STK32B: variants seen among roughly 807,000 people sequenced by gnomAD.
STK32B encodes serine/threonine-protein kinase 32B.
In STK32B, 43 loss-of-function variants were observed where a neutral mutation model predicts 52.6. That is an observed-to-expected ratio of 0.82 (90% CI 0.64 to 1.05). The LOEUF (loss-of-function observed/expected upper bound fraction) is 1.05. STK32B is among the 50% of genes least tolerant of loss of function. STK32B has a pLI of 0.00. For synonymous variants in STK32B, 238 were observed against 204.3 expected (o/e 1.17, Z -1.41); for missense variants, 621 against 534.6 (o/e 1.16, Z -1.59).
At chr4:5,259,966 G>A (rs1726590050) in intron 3 of STK32B, among the ~76,000 whole-genome samples, 1 of 151,970 alleles carries the variant, frequency 6.6e-6, no homozygotes, top group Admixed American at 6.6e-5. Flanking sequence ...CCACACTGAG[G>A]AGCATAAGTG....
chr4:5,149,715 TA>T (rs1475769856), intron 2 of STK32B, among the ~76,000 whole-genome samples: 1 of 151,774 alleles, frequency 6.6e-6, no homozygotes, highest in Non-Finnish European at 1.5e-5. Context: ...GTTTTTGCTT[TA>T]AAAATATATA....
chr4:5,409,041 AC>A (rs1198985700), intron 5 of STK32B, among the ~76,000 whole-genome samples: 4 of 152,258 alleles, frequency 2.6e-5, no homozygotes, highest in Admixed American at 2.6e-4. Context: ...TGTTTACACC[AC>A]GGATGGGATG....
chr4:5,230,178 C>CTTTTTTTTTTTTTTTTTTT (rs752036100), intron 3 of STK32B, among the ~76,000 whole-genome samples: 17 of 71,120 alleles, frequency 2.4e-4, no homozygotes, highest in East Asian at 3.7e-4. Flanking sequence ...CATGCATTCC[C>CTTTTTTTTTTTTTTTTTTT]TTTTTTTTTT....
chr4:5,184,721 C>G (rs74792021), intron 3 of STK32B, among the ~76,000 whole-genome samples: 1 of 142,486 alleles, frequency 7.0e-6, no homozygotes, highest in African/African-American at 2.6e-5. Flanking sequence ...AAAAAGAAAA[C>G]AAAGATCACT....
chr4:5,073,994 T>C (rs1711929657), intron 1 of STK32B, among the ~76,000 whole-genome samples: 1 of 152,034 alleles, frequency 6.6e-6, no homozygotes, highest in African/African-American at 2.4e-5. Flanking sequence ...TGTGGATTGA[T>C]ATTTTAAATC....
At chr4:5,176,293 GCTGCACCCACTGTT>G (rs1424568628) in intron 3 of STK32B, among the ~76,000 whole-genome samples, 5 of 152,120 alleles carry the variant, frequency 3.3e-5, no homozygotes, top group East Asian at 1.9e-4. Context: ...CGCATGGTGT[GCTGCACCCACTGTT>G]CTGCACCCAC....
At chr4:5,164,606 A>C (rs1423946935) in intron 2 of STK32B, among the ~76,000 whole-genome samples, 1 of 152,212 alleles carries the variant, frequency 6.6e-6, no homozygotes, top group Non-Finnish European at 1.5e-5. Context: ...CAGCATGGTC[A>C]GATTCTGGAG....
chr4:5,076,196 G>A (rs1712060734), intron 1 of STK32B, among the ~76,000 whole-genome samples: 2 of 152,180 alleles, frequency 1.3e-5, no homozygotes, highest in South Asian at 2.1e-4. Context: ...CTGTGCTGAC[G>A]AAGAGTCGAT....
At chr4:5,266,297 G>A (rs867824902) in intron 3 of STK32B, among the ~76,000 whole-genome samples, 22 of 152,132 alleles carry the variant, frequency 1.4e-4, no homozygotes, top group Admixed American at 2.6e-4. Flanking sequence ...TTAAGATAGC[G>A]CAGTTATAAA....
chr4:5,230,178 C>CTTTTTTTTTTTT lies in STK32B; in HGVS notation c.260+61748_260+61759dup, dbSNP rs752036100. The stretch of plus-strand genomic sequence containing the variant: ...AGAAGAACACTCAAGCATGCATTCC[C>CTTTTTTTTTTTT]TTTTTTTTTTTTTTTTTTTTTTTTT... On this transcript the variant is annotated intron_variant, in intron 3 of 11. Coordinates refer to ENST00000282908, the MANE Select transcript of STK32B (RefSeq NM_018401.3). Among the ~76,000 whole-genome samples, 132 of 71,116 alleles carry CTTTTTTTTTTTT rather than the reference C, an allele frequency of 1.9e-3. 8 individuals carry two copies. In the East Asian group the frequency reaches 0.019, roughly 10 times the overall value. 46.7% of individuals were successfully genotyped at this position (71,116 alleles called of 152,430 possible).
intron 3 of STK32B, among the ~76,000 whole-genome samples, chr4:5,197,450 T>A (rs1173632064): frequency 6.6e-6 from 1 of 152,248 alleles, no homozygotes; most frequent in Non-Finnish European, 1.5e-5. Flanking sequence ...GACCACCCAG[T>A]CCTTCAGTCT....
intron 4 of STK32B, among the ~76,000 whole-genome samples, chr4:5,377,152 C>T (rs527601458): frequency 4.6e-5 from 7 of 152,186 alleles, no homozygotes; most frequent in Non-Finnish European, 1.0e-4. Context: ...AGTCATTGGA[C>T]TTTTATATGG....
intron 3 of STK32B, among the ~76,000 whole-genome samples, chr4:5,193,432 G>C (rs976058431): frequency 5.3e-5 from 8 of 152,224 alleles, no homozygotes. Flanking sequence ...GCCTTTAGCA[G>C]AGGAGTCAGT....
chr4:5,373,780 G>A (rs984776682), intron 4 of STK32B, among the ~76,000 whole-genome samples: 1 of 152,134 alleles, frequency 6.6e-6, no homozygotes, highest in East Asian at 1.9e-4. Context: ...ACTCCACACA[G>A]CAAAGTGCTG....
rs560746996 is a variant in STK32B, at chr4:5,157,006, T to G, written c.109-11293T>G. ...ATTCAGAGTGTGAAAAAAAAAAGAT[T>G]TGATTAATAGCAGACTAACCAATTT... is the stretch of plus-strand genomic sequence containing the variant. On this transcript the variant is annotated intron_variant, in intron 2 of 11. Coordinates refer to ENST00000282908, the MANE Select transcript of STK32B (RefSeq NM_018401.3). Among the ~76,000 whole-genome samples, 23 of 152,242 alleles carry G rather than the reference T, an allele frequency of 1.5e-4. No homozygotes were observed. The South Asian group carries it at 4.1e-3, about 27-fold the overall frequency.
At chr4:5,488,165 G>A (rs1182808917) in intron 11 of STK32B, among the ~76,000 whole-genome samples, 1 of 152,142 alleles carries the variant, frequency 6.6e-6, no homozygotes, top group African/African-American at 2.4e-5. Context: ...TAGGTATGGG[G>A]CACATTCCCG....
intron 1 of STK32B, among the ~76,000 whole-genome samples, chr4:5,088,232 C>T (rs1157420674): frequency 6.6e-6 from 1 of 151,910 alleles, no homozygotes; most frequent in Non-Finnish European, 1.5e-5. Flanking sequence ...AAAATGAAAA[C>T]ACAGCATATC....
intron 1 of STK32B, among the ~76,000 whole-genome samples, chr4:5,116,467 ATATC>A (rs1447364885): frequency 6.6e-6 from 1 of 152,188 alleles, no homozygotes; most frequent in Non-Finnish European, 1.5e-5. Flanking sequence ...GCTAATTAAT[ATATC>A]TATCAACTCA....
At chr4:5,270,037 A>G (rs1264112766) in intron 3 of STK32B, among the ~76,000 whole-genome samples, 1 of 152,216 alleles carries the variant, frequency 6.6e-6, no homozygotes, top group African/African-American at 2.4e-5. Context: ...AGCAGAAGAA[A>G]CATTTGATAA....
Sources: gnomAD v4.1 joint callset for allele counts (sites outside exome capture counted in the v4.1 genomes callset) on GRCh38, gnomAD v4.1.1 for gene constraint, MANE v1.5 for transcripts, NCBI Gene and HGNC (gene_info 2026-07-23, HGNC 2026-07-21) for gene names.